The following CCDC28B variants were observed in gnomAD, a reference collection of about 807,000 sequenced individuals.
CCDC28B encodes the protein coiled-coil domain-containing protein 28B.
CCDC28B carries 17 observed loss-of-function variants against 18.7 expected under a neutral mutation model. The ratio of observed to expected loss-of-function variants is 0.91; its 90% CI spans 0.62 to 1.36. The LOEUF is 1.36. Ranked by LOEUF, CCDC28B falls within the 40% of genes most tolerant of loss-of-function variation. The pLI is 0.00. For synonymous variants in CCDC28B, 116 were observed against 105.1 expected (o/e 1.10, Z -0.64); for missense variants, 213 against 251.7 (o/e 0.85, Z 1.04).
Position 32,205,120 on chromosome 1 carries a change from A to C in CCDC28B, c.549-74A>C. 1.3e-6 allele frequency: 2 copies of C among 1,571,514 alleles called. No individual in the cohort carries two copies. Among genetic ancestry groups the C allele is most frequent in the South Asian group, 2.3e-5 (2 of 88,566 alleles). ...GGCCCTTTGCACAGGTGAGGGAACT[A>C]AACCTGTGCAAGATGGGAGACCGGG... On this transcript the variant is annotated intron_variant, in intron 5 of 5. Transcript: ENST00000373602. The surrounding 1 kb of genome is among the most constrained non-coding windows in gnomAD (Gnocchi z 5.6).
upstream of CCDC28B, chr1:32,200,571 T>C (rs780368908): frequency 4.6e-5 from 7 of 152,244 alleles, no homozygotes; most frequent in Non-Finnish European, 8.8e-5. Flanking sequence ...CCCACCGCGC[T>C]AAGGAGAAGG....
chr1:32,201,770 G>C, intron 1 of CCDC28B, 143 bp from the exon 2 acceptor site: 1 of 656,920 alleles, frequency 1.5e-6, no homozygotes, highest in Non-Finnish European at 2.6e-6. Flanking sequence ...AGCAGACACT[G>C]GCATCTGGCT....
chr1:32,205,008 C>A lies in CCDC28B; in HGVS notation c.549-186C>A. On this transcript the variant is annotated intron_variant, in intron 5 of 5. Transcript: ENST00000373602. This position sits in a 1 kb window ranked among gnomAD's most constrained non-coding sequence, Gnocchi z 5.6. ...CACACACCCCAGTGTGTCTGACCTG[C>A]ACGATCTGGATGAAGAGAGAGGGGG... 1 of 1,186,076 alleles carries A rather than the reference C, an allele frequency of 8.4e-7. No homozygotes were observed. Among genetic ancestry groups the A allele is most frequent in the Non-Finnish European group, 1.2e-6 (1 of 856,036 alleles). The allele number at this position is 1,186,076 out of a possible 1,614,324, so 73.5% of individuals were successfully genotyped here.
At chr1:32,204,139 G>A in intron 3 of CCDC28B, 47 bp from the exon 4 acceptor site, 1 of 1,610,292 alleles carries the variant, frequency 6.2e-7, no homozygotes, top group Non-Finnish European at 8.5e-7. Flanking sequence ...CAGGGTTCCA[G>A]GGTTCCAGGA....
chr1:32,203,992 G>A lies in CCDC28B; in HGVS notation c.278G>A (p.Gly93Glu). 3 of 1,575,742 alleles carry A rather than the reference G, an allele frequency of 1.9e-6. No individual in the cohort carries two copies. The highest frequency in any genetic ancestry group is 2.2e-5 in the East Asian group (1 of 44,448). ...TEVTDVYEME[G>E]GLLNLLNDFH... ...GTGACTGATGTCTATGAGATGGAGG[G>A]GGGACTCCTGAACCTGCTCAATGAT... is the stretch of plus-strand genomic sequence containing the variant. Residue 93 changes from glycine to glutamate, a missense_variant, in exon 3 of 6, where the codon GGG (glycine) becomes GAG (glutamate). By Grantham distance (98) the Gly-to-Glu change is moderately conservative (BLOSUM62 -2). Transcript: ENST00000373602.
chr1:32,203,860 T>A lies in CCDC28B; in HGVS notation c.165-19T>A, dbSNP rs753612588. The A allele has an allele frequency of 2.0e-6, 3 of 1,491,824 alleles. No homozygotes were observed. Among genetic ancestry groups the A allele is most frequent in the Non-Finnish European group, 2.7e-6 (3 of 1,121,260 alleles). The allele number at this position is 1,491,824 out of a possible 1,614,324, so 92.4% of individuals were successfully genotyped here. On this transcript the variant is annotated intron_variant, in intron 2 of 5. Coordinates refer to ENST00000373602, the MANE Select transcript of CCDC28B (RefSeq NM_024296.5). ...ACTGCCCCCTACCCTGTGATCATGG[T>A]CATGTCCACCCCACCCAGAGTAGGC... is the stretch of plus-strand genomic sequence containing the variant.
At position 32,205,067 on chromosome 1, in the gene CCDC28B, C is replaced by T. The variant is rs1477468214; in HGVS notation, c.549-127C>T. ...GGCAGGCGGGGACTGCAACCTCAGT[C>T]CACAGACGGCCCGAGACCCTCGTCC... On this transcript the variant is annotated intron_variant, in intron 5 of 5. Coordinates refer to ENST00000373602, the MANE Select transcript of CCDC28B (RefSeq NM_024296.5). The surrounding 1 kb of genome is among the most constrained non-coding windows in gnomAD (Gnocchi z 5.6). 1 of 1,270,478 alleles carries T rather than the reference C, an allele frequency of 7.9e-7. No homozygotes were observed. The highest frequency in any genetic ancestry group is 1.5e-5 in the African/African-American group (1 of 66,750). 78.7% of individuals were successfully genotyped at this position (1,270,478 alleles called of 1,614,324 possible). A position where few individuals can be genotyped will look rare whatever the true frequency, so the allele number is the denominator to read the frequency against.
In CCDC28B at chr1:32,203,974, A is replaced by G; in HGVS notation, c.260A>G (p.Asp87Gly). The change falls in exon 3 of 6, where the codon GAT becomes GGT. Residue 87 changes from aspartate (D) to glycine (G), a missense_variant. Physicochemically the swap from Asp to Gly is moderately conservative, Grantham distance 94 (BLOSUM62 -1). Transcript: ENST00000373602. Reference protein sequence around the residue: ...LQHSFLTEVTDVYEMEGGLLN... With the variant: ...LQHSFLTEVTGVYEMEGGLLN... ...CACTCCTTCCTGACCGAGGTGACTG[A>G]TGTCTATGAGATGGAGGGGGGACTC... is the stretch of plus-strand genomic sequence containing the variant. 6.3e-7 allele frequency: 1 copy of G among 1,579,106 alleles called. No homozygotes were observed. Among genetic ancestry groups the G allele is most frequent in the Non-Finnish European group, 8.6e-7 (1 of 1,163,288 alleles).
At chr1:32,198,408 C>T (rs1643070943), upstream of CCDC28B, 2 of 152,284 alleles carry the variant, frequency 1.3e-5, no homozygotes, top group East Asian at 1.9e-4. Flanking sequence ...TGGTATCTTA[C>T]ATATTCCACA....
chr1:32,203,996 A>C lies in CCDC28B; in HGVS notation c.282A>C (p.Gly94=). ...EVTDVYEMEG[G]LLNLLNDFHS... ...CTGATGTCTATGAGATGGAGGGGGG[A>C]CTCCTGAACCTGCTCAATGATTTCC... Residue 94 remains glycine, a synonymous_variant, in exon 3 of 6, where the codon GGA becomes GGC. Coordinates refer to ENST00000373602, the MANE Select transcript of CCDC28B (RefSeq NM_024296.5). 2 of 1,569,724 alleles carry C rather than the reference A, an allele frequency of 1.3e-6. No individual in the cohort carries two copies. The highest frequency in any genetic ancestry group is 1.7e-6 in the Non-Finnish European group (2 of 1,158,644).
upstream of CCDC28B, chr1:32,198,030 GC>G: frequency 6.6e-6 from 1 of 152,544 alleles, no homozygotes; most frequent in Non-Finnish European, 1.5e-5. Context: ...TCCAGCTGCT[GC>G]CCCAGCCTTT....
At chr1:32,201,463 T>A (rs1026433316) in intron 1 of CCDC28B, among the ~76,000 whole-genome samples, 1 of 151,986 alleles carries the variant, frequency 6.6e-6, no homozygotes, top group Non-Finnish European at 1.5e-5. Flanking sequence ...CTGCACCTTG[T>A]CCCCCTCCCA....
intron 4 of CCDC28B, 83 bp downstream of exon 4, chr1:32,204,462 T>C: frequency 1.3e-6 from 2 of 1,516,168 alleles, no homozygotes; most frequent in Non-Finnish European, 1.8e-6. Context: ...TCCTGGGCCC[T>C]GGGTGAAAAG....
intron 1 of CCDC28B, among the ~76,000 whole-genome samples, chr1:32,201,249 G>C (rs966810088): frequency 4.6e-5 from 7 of 152,164 alleles, no homozygotes; most frequent in Non-Finnish European, 8.8e-5. Flanking sequence ...AAGCCCAGCA[G>C]GGACTTTCCG....
chr1:32,198,522 A>C (rs1347919560), upstream of CCDC28B, among the ~76,000 whole-genome samples: 1 of 152,100 alleles, frequency 6.6e-6, no homozygotes, highest in East Asian at 1.9e-4. Context: ...CTCAGAGAGG[A>C]TCACACACAC....
chr1:32,196,683 T>C (rs555950051), upstream of CCDC28B: 1 of 152,290 alleles, frequency 6.6e-6, no homozygotes, highest in East Asian at 1.9e-4. Context: ...CAGACCAAGA[T>C]GGATAGGATG....
intron 2 of CCDC28B, 197 bp downstream of exon 2, chr1:32,202,296 T>C: frequency 4.1e-6 from 3 of 726,018 alleles, no homozygotes; most frequent in Non-Finnish European, 7.3e-6. Flanking sequence ...GGTGGGTCAC[T>C]GGGATCACAT....
At chr1:32,203,822 C>T (rs1192346682) in intron 2 of CCDC28B, 57 bp from the exon 3 acceptor site, 13 of 1,374,176 alleles carry the variant, frequency 9.5e-6, no homozygotes, top group Middle Eastern at 2.4e-4. Flanking sequence ...CACAAAAGAT[C>T]GGGAGGTGCC....
Position 32,205,024 on chromosome 1 carries a change from A to C in CCDC28B, c.549-170A>C. 1 of 1,176,284 alleles carries C rather than the reference A, an allele frequency of 8.5e-7. No homozygotes were observed. The highest frequency in any genetic ancestry group is 1.2e-6 in the Non-Finnish European group (1 of 846,828). The allele number at this position is 1,176,284 out of a possible 1,614,324, so 72.9% of individuals were successfully genotyped here. ...TCTGACCTGCACGATCTGGATGAAG[A>C]GAGAGGGGGTGAGAGAGGGCAGGCG... On this transcript the variant is annotated intron_variant, in intron 5 of 5. Coordinates refer to ENST00000373602, the MANE Select transcript of CCDC28B (RefSeq NM_024296.5). This position sits in a 1 kb window ranked among gnomAD's most constrained non-coding sequence, Gnocchi z 5.6.
Sources: gnomAD v4.1 joint callset for allele counts (sites outside exome capture counted in the v4.1 genomes callset) on GRCh38, gnomAD v4.1.1 for gene constraint, Gnocchi (gnomAD v3.1) non-coding constraint, MANE v1.5 for transcripts, NCBI Gene and HGNC (gene_info 2026-07-23, HGNC 2026-07-21) for gene names.